The following PRSS54 variants were observed in gnomAD, a reference collection of about 807,000 sequenced individuals.
PRSS54 encodes serine protease 54, also known as inactive serine protease 54.
In PRSS54, 16 loss-of-function variants were observed where a neutral mutation model predicts 19.9. The ratio of observed to expected loss-of-function variants is 0.80; its 90% CI spans 0.54 to 1.22. The LOEUF is 1.22. PRSS54 is among the 50% of genes most tolerant of loss of function. The probability of loss-of-function intolerance (pLI) is 0.00; values close to 1 mark genes in which losing one functional copy is unlikely to be tolerated. For missense variants in PRSS54, 444 were observed against 494.8 expected (o/e 0.90, Z 0.97); for synonymous variants, 177 against 195.8 (o/e 0.90, Z 0.80).
chr16:58,291,368 G>A (rs1185494035), intron 3 of PRSS54, among the ~76,000 whole-genome samples: 1 of 152,216 alleles, frequency 6.6e-6, no homozygotes, highest in African/African-American at 2.4e-5. Flanking sequence ...GTACACATTG[G>A]CAGTGTCTGC....
chr16:58,285,479 G>A (rs947507955), intron 5 of PRSS54, among the ~76,000 whole-genome samples: 2 of 152,188 alleles, frequency 1.3e-5, no homozygotes, highest in Non-Finnish European at 2.9e-5. Flanking sequence ...GCTCACGCCT[G>A]TAATCCCAAC....
In PRSS54 at chr16:58,280,285, T is replaced by TA; in HGVS notation, c.1126dup (p.Tyr376LeufsTer32). On this transcript the variant is annotated frameshift_variant, in exon 7 of 7. Coordinates refer to ENST00000567164, the MANE Select transcript of PRSS54 (RefSeq NM_001305173.2). LOFTEE classifies it high-confidence loss of function. ...AACCAAGATGATTTCTTCGGGCTGA[T>TA]ACAACCTGTTCTGACCTGCAAAAAT... 1 of 1,614,114 alleles carries TA rather than the reference T, an allele frequency of 6.2e-7. No homozygotes were observed. The highest frequency in any genetic ancestry group is 8.5e-7 in the Non-Finnish European group (1 of 1,180,012).
At chr16:58,283,050 G>T (rs1242630636) in intron 6 of PRSS54, 1 of 152,238 alleles carries the variant, frequency 6.6e-6, no homozygotes. Flanking sequence ...ATCTCCCAAG[G>T]GAGCGGCCAC....
chr16:58,286,179 T>C lies in PRSS54; in HGVS notation c.280A>G (p.Ile94Val). 9 of 1,614,168 alleles carry C rather than the reference T, an allele frequency of 5.6e-6. No individual in the cohort carries two copies. Among genetic ancestry groups the C allele is most frequent in the South Asian group, 1.1e-5 (1 of 91,072 alleles). ...GGATCCATGTTACTTATACCCACTA[T>C]AACGACAATGTCCTTCCTGGAGAGA... The part of the protein sequence containing the change: ...AIQNRKDIVV[I>V]VGISNMDPSK... The change falls in exon 5 of 7, where the codon ATA becomes GTA. Residue 94 changes from isoleucine (I) to valine (V), a missense_variant. Coordinates refer to ENST00000567164, the MANE Select transcript of PRSS54 (RefSeq NM_001305173.2).
chr16:58,280,488 A>G lies in PRSS54; in HGVS notation c.924T>C (p.His308=). 2.5e-6 allele frequency: 4 copies of G among 1,614,218 alleles called. No individual in the cohort carries two copies. The highest frequency in any genetic ancestry group is 3.4e-6 in the Non-Finnish European group (4 of 1,180,042). Residue 308 remains histidine (H), a synonymous_variant, in exon 7 of 7, where the codon CAT becomes CAC. Coordinates refer to ENST00000567164, the MANE Select transcript of PRSS54 (RefSeq NM_001305173.2). ...QKTYSDSELG[H]VGSYLQGQRR... is the part of the protein sequence containing the mutation. ...TTTGTCCCTGCAAGTATGATCCAAC[A>G]TGGCCCAGTTCAGAATCAGAATATG...
intron 5 of PRSS54, chr16:58,285,216 C>G (rs2142639672): frequency 6.4e-6 from 1 of 157,244 alleles, no homozygotes; most frequent in African/African-American, 2.4e-5. Context: ...TGCAAACAGG[C>G]AGAGAACACC....
chr16:58,293,892 T>C, intron 2 of PRSS54, 70 bp from the exon 3 acceptor site: 2 of 1,249,926 alleles, frequency 1.6e-6, no homozygotes, highest in Non-Finnish European at 2.3e-6. Context: ...GCCTCTTTTT[T>C]CCATCCTCTT....
At position 58,293,634 on chromosome 16, in the gene PRSS54, C is replaced by T. The variant is rs1040389042; in HGVS notation, c.85+98G>A. 11 of 1,539,486 alleles carry T rather than the reference C, an allele frequency of 7.1e-6. No individual in the cohort carries two copies. The African/African-American group carries it at 9.6e-5, about 13-fold the overall frequency. ...GTGCCGTGAGTCATCTTCCCTGAGC[C>T]CCTCCTTGGACATTAAGGACCACTT... On this transcript the variant is annotated intron_variant, in intron 3 of 6. Coordinates refer to ENST00000567164, the MANE Select transcript of PRSS54 (RefSeq NM_001305173.2).
intron 3 of PRSS54, among the ~76,000 whole-genome samples, chr16:58,293,239 T>C (rs1965076870): frequency 6.6e-6 from 1 of 152,148 alleles, no homozygotes; most frequent in Non-Finnish European, 1.5e-5. Flanking sequence ...ACCTGCCCTC[T>C]GTAGGCTGGA....
chr16:58,290,963 T>A lies in PRSS54; in HGVS notation c.259A>T (p.Asn87Tyr), dbSNP rs761790634. The A allele has an allele frequency of 2.1e-5, 34 of 1,614,058 alleles. No individual in the cohort carries two copies. The highest frequency in any genetic ancestry group is 8.5e-7 in the Non-Finnish European group (1 of 1,180,024). The stretch of plus-strand genomic sequence containing the variant: ...CCCAAAGGCAGGGGCACTGGCCTGT[T>A]CTGAATGGCGGATGCGATGCTGAGG... Reference protein sequence around the residue: ...WVLSIASAIQNRKDIVVIVGI... With the variant: ...WVLSIASAIQYRKDIVVIVGI... Residue 87 changes from asparagine (N) to tyrosine (Y), a missense_variant, in exon 4 of 7, where the codon AAC (asparagine) becomes TAC (tyrosine). Physicochemically the swap from Asn to Tyr is moderately radical, Grantham distance 143 (BLOSUM62 -2). Transcript: ENST00000567164.
chr16:58,284,487 C>T (rs1249669168), intron 6 of PRSS54, 103 bp downstream of exon 6: 58 of 1,359,032 alleles, frequency 4.3e-5, no homozygotes, highest in Non-Finnish European at 5.4e-5. Flanking sequence ...CCAAGCCCTG[C>T]CCTCACAGAG....
chr16:58,293,801 C>T lies in PRSS54; in HGVS notation c.16G>A (p.Gly6Ser), dbSNP rs201027864. ...CGCATCTTGCCATCCCCAGAGAGAC[C>T]CGCCGCGGACACCATGGGCAGCTGG... is the stretch of plus-strand genomic sequence containing the variant. Reference protein sequence around the residue: MVSAAGLSGDGKMRGV... With the variant: MVSAASLSGDGKMRGV... The change falls in exon 3 of 7, where the codon GGT (glycine) becomes AGT (serine). Residue 6 changes from glycine to serine, a missense_variant. Coordinates refer to ENST00000567164, the MANE Select transcript of PRSS54 (RefSeq NM_001305173.2). 29 of 1,613,090 alleles carry T rather than the reference C, an allele frequency of 1.8e-5. No homozygotes were observed. The East Asian group carries it at 6.2e-4, about 35-fold the overall frequency.
At chr16:58,285,723 C>CAAAAAAAAA (rs1178010291) in intron 5 of PRSS54, among the ~76,000 whole-genome samples, 1 of 78,842 alleles carries the variant, frequency 1.3e-5, no homozygotes, top group Non-Finnish European at 2.4e-5. Flanking sequence ...GACCCTGTCT[C>CAAAAAAAAA]AAAAAAAAAA....
chr16:58,284,806 C>T (rs116552128), intron 5 of PRSS54, 85 bp from the exon 6 acceptor site: 16,377 of 1,483,456 alleles, frequency 0.011, 193 homozygotes, highest in African/African-American at 0.054. Flanking sequence ...TATAGCCAAA[C>T]GAGAGTGAGA....
intron 2 of PRSS54, 70 bp downstream of exon 2, chr16:58,293,913 CAT>C: frequency 9.4e-7 from 1 of 1,066,314 alleles, no homozygotes; most frequent in Non-Finnish European, 1.4e-6. Context: ...CCCAAACACA[CAT>C]GTTCCCTCCC....
intron 4 of PRSS54, among the ~76,000 whole-genome samples, chr16:58,289,689 G>A (rs541675461): frequency 9.2e-5 from 14 of 151,512 alleles, no homozygotes; most frequent in South Asian, 4.2e-4. Context: ...CTCCTATCTC[G>A]GCCTTCCGAG....
intron 3 of PRSS54, 129 bp downstream of exon 3, chr16:58,293,603 T>G: frequency 6.6e-7 from 1 of 1,505,006 alleles, no homozygotes; most frequent in Non-Finnish European, 8.9e-7. Context: ...GGCCGCCCGG[T>G]GCAAAGTGCC....
intron 3 of PRSS54, among the ~76,000 whole-genome samples, chr16:58,292,986 CAGAG>C (rs770620765): frequency 4.6e-5 from 7 of 152,254 alleles, no homozygotes; most frequent in Middle Eastern, 6.8e-3. Context: ...TGCAAGAAGA[CAGAG>C]AGCTGCAGGA....
At chr16:58,293,430 G>A (rs1363341203) in intron 3 of PRSS54, 1 of 513,844 alleles carries the variant, frequency 1.9e-6, no homozygotes, top group Admixed American at 6.4e-5. Flanking sequence ...TGGAAGGACA[G>A]GGCAGGGGCT....
Sources: gnomAD v4.1 joint callset for allele counts (sites outside exome capture counted in the v4.1 genomes callset) on GRCh38, gnomAD v4.1.1 for gene constraint, MANE v1.5 for transcripts, NCBI Gene and HGNC (gene_info 2026-07-23, HGNC 2026-07-21) for gene names.